FIG4: variants seen among roughly 807,000 people sequenced by gnomAD.
FIG4 encodes FIG4 phosphoinositide 5-phosphatase.
A neutral mutation model predicts 118.6 loss-of-function variants in FIG4; 112 were observed. That is an observed-to-expected ratio of 0.94 (90% CI 0.81 to 1.11). The LOEUF is 1.11. FIG4 is among the 50% of genes least tolerant of loss of function. The pLI is 0.00. For synonymous variants in FIG4, 369 were observed against 381.2 expected (o/e 0.97, Z 0.37); for missense variants, 969 against 1,111.7 (o/e 0.87, Z 1.83).
Position 109,727,185 on chromosome 6 carries a change from T to C in FIG4, c.366T>C (p.His122=), listed in dbSNP as rs772376305. The part of the protein sequence containing the change: ...KRRKMADIGG[H]AIYKVEDTNM... ...GGAAGATGGCGGATATTGGAGGTCATGCAATCTATAAGGTCGAAGATACAA... is the reference window on the plus strand; with the variant it reads ...GGAAGATGGCGGATATTGGAGGTCACGCAATCTATAAGGTCGAAGATACAA... Residue 122 remains histidine (H), a synonymous_variant, in exon 4 of 23, where the codon CAT becomes CAC. Transcript: ENST00000230124. The C allele has an allele frequency of 5.6e-6, 9 of 1,610,150 alleles. No homozygotes were observed. In the Admixed American group the frequency reaches 1.2e-4, roughly 21 times the overall value.
intron 10 of FIG4, among the ~76,000 whole-genome samples, chr6:109,758,992 C>T (rs1583693567): frequency 6.6e-6 from 1 of 152,170 alleles, no homozygotes; most frequent in Non-Finnish European, 1.5e-5. Context: ...AACGCTTTTA[C>T]ACTGTTGGGA....
At chr6:109,725,543 A>G (rs1035557197) in intron 3 of FIG4, among the ~76,000 whole-genome samples, 1 of 152,122 alleles carries the variant, frequency 6.6e-6, no homozygotes, top group Non-Finnish European at 1.5e-5. Flanking sequence ...TTGCTATTGT[A>G]AAATGATGCT....
intron 1 of FIG4, 38 bp downstream of exon 1, chr6:109,691,539 T>C: frequency 6.6e-7 from 1 of 1,518,262 alleles, no homozygotes; most frequent in Non-Finnish European, 9.0e-7. Context: ...GGCGGGAGGA[T>C]GGATGTCTGC....
intron 1 of FIG4, 97 bp downstream of exon 1, chr6:109,691,598 C>T: frequency 9.2e-7 from 1 of 1,083,132 alleles, no homozygotes; most frequent in Non-Finnish European, 1.4e-6. Flanking sequence ...CCTCCTCCTC[C>T]TTCCTCTCCA....
chr6:109,798,383 G>T (rs1778342585), intron 22 of FIG4, among the ~76,000 whole-genome samples: 1 of 152,092 alleles, frequency 6.6e-6, no homozygotes, highest in Admixed American at 6.5e-5. Flanking sequence ...CAACACATAG[G>T]TATTGAATAT....
chr6:109,755,171 T>C (rs1225182224), intron 10 of FIG4, among the ~76,000 whole-genome samples: 2 of 152,244 alleles, frequency 1.3e-5, no homozygotes, highest in Non-Finnish European at 2.9e-5. Flanking sequence ...AACATCTTTA[T>C]TTCTGCCTTC....
At chr6:109,760,103 A>G in intron 10 of FIG4, 147 bp from the exon 11 acceptor site, 1 of 670,512 alleles carries the variant, frequency 1.5e-6, no homozygotes, top group East Asian at 2.7e-5. Context: ...TGTTTTTATT[A>G]TTTCTGATTA....
At chr6:109,786,583 T>A in intron 18 of FIG4, 134 bp downstream of exon 18, 2 of 892,530 alleles carry the variant, frequency 2.2e-6, no homozygotes, top group Admixed American at 3.6e-5. Flanking sequence ...TTTGAATACC[T>A]CCTGTGATGG....
At chr6:109,812,242 A>G (rs1178599839) in intron 22 of FIG4, among the ~76,000 whole-genome samples, 2 of 152,064 alleles carry the variant, frequency 1.3e-5, no homozygotes, top group African/African-American at 4.8e-5. Context: ...TTCTCTGTAA[A>G]TCAGCCAGTC....
chr6:109,738,709 T>C (rs1314214347), intron 7 of FIG4, among the ~76,000 whole-genome samples: 2 of 152,174 alleles, frequency 1.3e-5, no homozygotes, highest in South Asian at 4.1e-4. Flanking sequence ...GTCATGCTTA[T>C]CTGGGAGAAG....
intron 8 of FIG4, among the ~76,000 whole-genome samples, chr6:109,742,298 C>G (rs1180460657): frequency 6.6e-6 from 1 of 151,964 alleles, no homozygotes; most frequent in Admixed American, 6.6e-5. Context: ...CCCTCTTTGT[C>G]TTTTTTGCCC....
chr6:109,746,216 C>T lies in FIG4; in HGVS notation c.1137+2444C>T, dbSNP rs4947017. ...TATGCAGAAAACTGAAACTGGGTCCCTTCCTTACACCTTATAGTCAGTCAT... is the reference window on the plus strand; with the variant it reads ...TATGCAGAAAACTGAAACTGGGTCCTTTCCTTACACCTTATAGTCAGTCAT... On this transcript the variant is annotated intron_variant, in intron 10 of 22. Coordinates refer to ENST00000230124, the MANE Select transcript of FIG4 (RefSeq NM_014845.6). Among the ~76,000 whole-genome samples, 690 of 152,266 alleles carry T rather than the reference C, an allele frequency of 4.5e-3. 19 individuals are homozygous for T. Among genetic ancestry groups the T allele is most frequent in the Admixed American group, 0.038 (578 of 15,284 alleles).
rs989874314 is a variant in FIG4 at position 109,792,467 on chromosome 6, G to C, written c.2377-115G>C. 7.2e-6 allele frequency: 5 copies of C among 697,486 alleles called. No homozygotes were observed. The African/African-American group carries it at 7.3e-5, about 10-fold the overall frequency. 43.2% of individuals were successfully genotyped at this position (697,486 alleles called of 1,614,324 possible). On this transcript the variant is annotated intron_variant, in intron 20 of 22. Coordinates refer to ENST00000230124, the MANE Select transcript of FIG4 (RefSeq NM_014845.6). ...GAAGTTTAATGAACAGGTTAAAGAA[G>C]CACTGTGATTGCTTTTGTGGAAAAA... is the stretch of plus-strand genomic sequence containing the variant.
At chr6:109,770,885 G>T (rs557339952) in intron 15 of FIG4, among the ~76,000 whole-genome samples, 2 of 152,256 alleles carry the variant, frequency 1.3e-5, no homozygotes, top group Admixed American at 6.5e-5. Flanking sequence ...AGCTTATCAC[G>T]TGTGGAAGAC....
chr6:109,728,102 C>T lies in FIG4; in HGVS notation c.446+837C>T, dbSNP rs566615018. ...AAATTTGGAGTATAATAATGGTTTG[C>T]GGTCACTGAGGAGATTGTCCTTGTT... On this transcript the variant is annotated intron_variant, in intron 4 of 22. Transcript: ENST00000230124. Among the ~76,000 whole-genome samples, 5 of 152,186 alleles carry T rather than the reference C, an allele frequency of 3.3e-5. No homozygotes were observed. In the East Asian group the frequency reaches 7.7e-4, roughly 23 times the overall value.
chr6:109,779,552 T>C (rs908426841), intron 16 of FIG4, among the ~76,000 whole-genome samples: 1 of 152,242 alleles, frequency 6.6e-6, no homozygotes, highest in African/African-American at 2.4e-5. Flanking sequence ...CTTACTCAGT[T>C]GATTTAGGTC....
chr6:109,742,570 C>T (rs1776358690), intron 8 of FIG4, among the ~76,000 whole-genome samples: 1 of 151,988 alleles, frequency 6.6e-6, no homozygotes, highest in African/African-American at 2.4e-5. Context: ...AATTTTGCAG[C>T]TATATTATTT....
intron 22 of FIG4, among the ~76,000 whole-genome samples, chr6:109,801,454 T>C (rs1583755245): frequency 6.6e-6 from 1 of 152,038 alleles, no homozygotes; most frequent in Non-Finnish European, 1.5e-5. Context: ...AGGCTGAGGC[T>C]GGAGAATTGC....
intron 16 of FIG4, among the ~76,000 whole-genome samples, chr6:109,777,422 G>C (rs1777654566): frequency 6.6e-6 from 1 of 152,172 alleles, no homozygotes; most frequent in Admixed American, 6.5e-5. Context: ...AAGATATGAA[G>C]TTTCAGAACT....
Sources: gnomAD v4.1 joint callset for allele counts (sites outside exome capture counted in the v4.1 genomes callset) on GRCh38, gnomAD v4.1.1 for gene constraint, MANE v1.5 for transcripts, NCBI Gene and HGNC (gene_info 2026-07-23, HGNC 2026-07-21) for gene names.